The following ACAD11 variants were observed in gnomAD, a reference collection of about 807,000 sequenced individuals.
ACAD11 encodes the protein acyl-Coenzyme A dehydrogenase family, member 11.
Under a neutral mutation model 102.2 loss-of-function variants are expected in ACAD11, and 83 were observed. The ratio of observed to expected loss-of-function variants is 0.81; its 90% CI spans 0.68 to 0.97. The LOEUF is 0.97. Among genes scored for constraint, ACAD11 ranks in the 50% least tolerant of loss-of-function variants. The pLI, the probability that ACAD11 is intolerant of heterozygous loss-of-function variation, is 0.00. For synonymous variants in ACAD11, 324 were observed against 319.8 expected, an observed-to-expected ratio of 1.01 and a Z score of -0.14; for missense variants, 901 against 951.7, an observed-to-expected ratio of 0.95 and a Z score of 0.70.
chr3:132,585,199 A>G (rs1007914789), intron 13 of ACAD11, among the ~76,000 whole-genome samples: 1 of 152,232 alleles, frequency 6.6e-6, no homozygotes, highest in African/African-American at 2.4e-5. Context: ...GCATATGTAC[A>G]ACTATCTGAT....
chr3:132,567,848 T>C (rs976078151), intron 17 of ACAD11, among the ~76,000 whole-genome samples: 6 of 152,150 alleles, frequency 3.9e-5, no homozygotes, highest in African/African-American at 9.7e-5. Flanking sequence ...CAACATAGTA[T>C]TGGAAGTTCT....
intron 13 of ACAD11, among the ~76,000 whole-genome samples, chr3:132,580,049 G>A (rs1258580858): frequency 6.6e-6 from 1 of 151,790 alleles, no homozygotes; most frequent in Non-Finnish European, 1.5e-5. Context: ...TGCCTACAAG[G>A]GTCTTTTTGC....
intron 17 of ACAD11, among the ~76,000 whole-genome samples, chr3:132,563,052 A>G (rs995428287): frequency 6.6e-6 from 1 of 152,196 alleles, no homozygotes; most frequent in Admixed American, 6.5e-5. Context: ...TCTATGTCCA[A>G]TTGCTGCAAC....
At chr3:132,573,641 G>A (rs6799862) in intron 17 of ACAD11, among the ~76,000 whole-genome samples, 8,332 of 152,218 alleles carry the variant, frequency 0.055, 779 homozygotes, top group African/African-American at 0.19. Context: ...TTTGATGGCT[G>A]TAAAACAGGA....
At chr3:132,578,003 A>G (rs1263679492) in intron 15 of ACAD11, among the ~76,000 whole-genome samples, 1 of 152,200 alleles carries the variant, frequency 6.6e-6, no homozygotes, top group Non-Finnish European at 1.5e-5. Context: ...AAGTGATTCT[A>G]TAAAACTGCA....
intron 11 of ACAD11, among the ~76,000 whole-genome samples, chr3:132,607,490 A>G (rs1441763451): frequency 2.0e-5 from 3 of 152,208 alleles, no homozygotes; most frequent in African/African-American, 7.2e-5. Flanking sequence ...ACAAGTATCA[A>G]TAGCTGAATC....
intron 1 of ACAD11, among the ~76,000 whole-genome samples, chr3:132,656,057 C>T (rs1345847565): frequency 6.6e-6 from 1 of 152,126 alleles, no homozygotes; most frequent in African/African-American, 2.4e-5. Context: ...GAGTGACTAC[C>T]ATTCTGAATT....
intron 5 of ACAD11, among the ~76,000 whole-genome samples, chr3:132,634,077 A>C (rs1940167147): frequency 6.6e-6 from 1 of 152,200 alleles, no homozygotes; most frequent in Non-Finnish European, 1.5e-5. Flanking sequence ...TAAACTAAAG[A>C]GCTTCTGCAC....
chr3:132,623,777 T>A (rs1257035779), intron 9 of ACAD11, among the ~76,000 whole-genome samples: 1 of 152,236 alleles, frequency 6.6e-6, no homozygotes. Context: ...ACACCTCTTC[T>A]GTGCTGCAGT....
rs533091323 is a variant in ACAD11 at position 132,571,345 on chromosome 3, GTT to G, written c.2001+4425_2001+4426del. On this transcript the variant is annotated intron_variant, in intron 17 of 19. Transcript: ENST00000264990. ...CATGTCTTTGGCCTACTTTTTAACGGTTTTTTTTTTTTTTTGTAAATTTGTTT... is the reference window on the plus strand; with the variant it reads ...CATGTCTTTGGCCTACTTTTTAACGGTTTTTTTTTTTTTGTAAATTTGTTT... Among the ~76,000 whole-genome samples the G allele has an allele frequency of 4.7e-5, 6 of 128,954 alleles. No homozygotes were observed. The East Asian group carries it at 1.1e-3, about 24-fold the overall frequency. 84.6% of individuals were successfully genotyped at this position (128,954 alleles called of 152,430 possible).
chr3:132,559,926 A>T lies in ACAD11; in HGVS notation c.2135T>A (p.Val712Glu). 6.2e-7 allele frequency: 1 copy of T among 1,612,872 alleles called. No homozygotes were observed. Among genetic ancestry groups the T allele is most frequent in the Non-Finnish European group, 8.5e-7 (1 of 1,179,216 alleles). The part of the protein sequence containing the change: ...GAKKEIAMIK[V>E]AAPRAVSKIV... Reference sequence around the variant, plus strand: ...TTTGCTGACAGCCCGTGGGGCAGCCACTTTGATCATTGCAATCTATATAAG... The same window carrying T: ...TTTGCTGACAGCCCGTGGGGCAGCCTCTTTGATCATTGCAATCTATATAAG... The change falls in exon 19 of 20, where the codon GTG becomes GAG. Residue 712 changes from valine to glutamate, a missense_variant. Physicochemically the swap from Val to Glu is moderately radical, Grantham distance 121 (BLOSUM62 -2). Transcript: ENST00000264990.
chr3:132,572,006 A>T lies in ACAD11; in HGVS notation c.2001+3766T>A, dbSNP rs552876331. Among the ~76,000 whole-genome samples the T allele has an allele frequency of 3.9e-5, 6 of 152,340 alleles. No homozygotes were observed. In the East Asian group the frequency reaches 1.2e-3, roughly 29 times the overall value. ...AAGCATTCCCCTTGAAAACTGGCAC[A>T]AGACAAGGATGTCCTCTCTCACCAC... On this transcript the variant is annotated intron_variant, in intron 17 of 19. Transcript: ENST00000264990.
intron 1 of ACAD11, 169 bp downstream of exon 1, chr3:132,659,434 C>T (rs1335062676): frequency 1.3e-5 from 11 of 861,932 alleles, no homozygotes; most frequent in Non-Finnish European, 1.9e-5. Context: ...AAGCCCCCAG[C>T]ATCGAATTCG....
At chr3:132,559,535 T>C (rs1222797544) in intron 19 of ACAD11, among the ~76,000 whole-genome samples, 5 of 152,086 alleles carry the variant, frequency 3.3e-5, no homozygotes, top group Non-Finnish European at 7.4e-5. Flanking sequence ...AGGATCTATA[T>C]ATTAGATAGT....
chr3:132,659,474 A>G, intron 1 of ACAD11, 129 bp downstream of exon 1: 1 of 1,335,178 alleles, frequency 7.5e-7, no homozygotes, highest in South Asian at 1.3e-5. Flanking sequence ...TCATGCCTGT[A>G]GGGTGCGTCC....
chr3:132,598,935 G>A (rs576072700), intron 13 of ACAD11, among the ~76,000 whole-genome samples: 1 of 152,320 alleles, frequency 6.6e-6, no homozygotes, highest in Admixed American at 6.5e-5. Flanking sequence ...TGGCAATTTA[G>A]AGATCAAATA....
At chr3:132,559,802 C>T (rs757413344) in intron 19 of ACAD11, 31 bp downstream of exon 19, 31 of 1,568,162 alleles carry the variant, frequency 2.0e-5, no homozygotes, top group Admixed American at 8.5e-5. Flanking sequence ...GCCTATCAAA[C>T]GTAGATGATT....
At chr3:132,649,338 A>G (rs1559978312) in intron 1 of ACAD11, among the ~76,000 whole-genome samples, 1 of 152,186 alleles carries the variant, frequency 6.6e-6, no homozygotes, top group African/African-American at 2.4e-5. Context: ...CCAATTGTAC[A>G]TTTGTTTAAT....
intron 2 of ACAD11, among the ~76,000 whole-genome samples, 175 bp from the exon 3 acceptor site, chr3:132,642,977 A>G (rs538943894): frequency 6.6e-6 from 1 of 152,352 alleles, no homozygotes; most frequent in Non-Finnish European, 1.5e-5. Flanking sequence ...TGTAATCACT[A>G]TGATTATAAA....
Sources: gnomAD v4.1 joint callset for allele counts (sites outside exome capture counted in the v4.1 genomes callset) on GRCh38, gnomAD v4.1.1 for gene constraint, MANE v1.5 for transcripts, NCBI Gene and HGNC (gene_info 2026-07-23, HGNC 2026-07-21) for gene names.